RNF144A: variants seen among roughly 807,000 people sequenced by gnomAD.
The protein encoded by RNF144A is E3 ubiquitin-protein ligase RNF144A.
In RNF144A, 11 loss-of-function variants were observed where a neutral mutation model predicts 38.7. The ratio of observed to expected loss-of-function variants is 0.28; its 90% CI spans 0.18 to 0.47. RNF144A has a LOEUF of 0.47. Among genes scored for constraint, RNF144A ranks in the 20% least tolerant of loss-of-function variants. The pLI, the probability that RNF144A is intolerant of heterozygous loss-of-function variation, is 0.99. For missense variants in RNF144A, 316 were observed against 377.2 expected, an observed-to-expected ratio of 0.84 and a Z score of 1.34; for synonymous variants, 149 against 143.9, an observed-to-expected ratio of 1.04 and a Z score of -0.25.
intron 2 of RNF144A, among the ~76,000 whole-genome samples, chr2:6,981,031 T>G (rs988857386): frequency 6.6e-6 from 1 of 152,240 alleles, no homozygotes; most frequent in Non-Finnish European, 1.5e-5. Flanking sequence ...TAGCTACAGC[T>G]GTAGCAGCTG....
intron 2 of RNF144A, among the ~76,000 whole-genome samples, chr2:6,951,755 A>C (rs910985800): frequency 6.6e-6 from 1 of 152,168 alleles, no homozygotes; most frequent in African/African-American, 2.4e-5. Flanking sequence ...AAATGTAATT[A>C]CCTTTTTAAT....
chr2:6,919,309 A>G (rs1171262492), intron 1 of RNF144A, among the ~76,000 whole-genome samples: 4 of 152,234 alleles, frequency 2.6e-5, no homozygotes, highest in African/African-American at 7.2e-5. Context: ...CAGTGGCTCC[A>G]AAGGAGACAA....
At chr2:6,918,136 G>A (rs1664258630) in intron 1 of RNF144A, 1 of 152,266 alleles carries the variant, frequency 6.6e-6, no homozygotes, top group Non-Finnish European at 1.5e-5. Context: ...GCCACCGGCG[G>A]GGAAGGTCGG....
chr2:6,948,725 T>A (rs1216609393), intron 2 of RNF144A, among the ~76,000 whole-genome samples: 1 of 152,192 alleles, frequency 6.6e-6, no homozygotes, highest in Non-Finnish European at 1.5e-5. Context: ...GATTTAGGAT[T>A]GCAAGACCCT....
At chr2:6,975,768 G>A (rs1668272024) in intron 2 of RNF144A, among the ~76,000 whole-genome samples, 1 of 152,210 alleles carries the variant, frequency 6.6e-6, no homozygotes, top group Non-Finnish European at 1.5e-5. Context: ...CAGTGCTGCA[G>A]TGAGCCAAGA....
chr2:7,014,305 C>T (rs1417909417), intron 3 of RNF144A, 149 bp from the exon 4 acceptor site: 12 of 640,652 alleles, frequency 1.9e-5, no homozygotes, highest in South Asian at 1.1e-4. Flanking sequence ...AACCTCAAAA[C>T]CTCAAATGTG....
At chr2:7,026,704 C>T (rs570721866) in intron 7 of RNF144A, among the ~76,000 whole-genome samples, 42 of 152,266 alleles carry the variant, frequency 2.8e-4, no homozygotes, top group Admixed American at 1.2e-3. Flanking sequence ...CCCCAGGCTG[C>T]TTGGACCAAG....
rs375409271 is a variant in RNF144A at position 6,929,774 on chromosome 2, C to T, written c.-211-11174C>T. 7.2e-5 allele frequency among the ~76,000 whole-genome samples: 11 copies of T among 152,084 alleles called. No homozygotes were observed. The East Asian group carries it at 7.7e-4, about 11-fold the overall frequency. On this transcript the variant is annotated intron_variant, in intron 1 of 8. Transcript: ENST00000320892. Reference sequence around the variant, plus strand: ...GTTTATGTAGAAATCAATTTAGTTACGATATAACTACCATTATGTGATAAT... The same window carrying T: ...GTTTATGTAGAAATCAATTTAGTTATGATATAACTACCATTATGTGATAAT...
At chr2:6,946,918 A>G (rs1666377537) in intron 2 of RNF144A, among the ~76,000 whole-genome samples, 1 of 152,172 alleles carries the variant, frequency 6.6e-6, no homozygotes, top group Non-Finnish European at 1.5e-5. Flanking sequence ...CCAAAGGTTT[A>G]CTTTTGTGGG....
intron 1 of RNF144A, chr2:6,933,060 T>G (rs575684265): frequency 2.6e-5 from 4 of 152,264 alleles, no homozygotes; most frequent in South Asian, 2.1e-4. Context: ...CCTCCACTTA[T>G]AGCGGCTGCA....
chr2:6,927,093 G>T (rs1664928774), intron 1 of RNF144A, among the ~76,000 whole-genome samples: 1 of 152,180 alleles, frequency 6.6e-6, no homozygotes. Context: ...CCGTGAGATT[G>T]CCTGCTCTTC....
chr2:7,039,847 T>A lies in RNF144A; in HGVS notation c.*87T>A. 3 of 1,533,340 alleles carry A rather than the reference T, an allele frequency of 2.0e-6. No individual in the cohort carries two copies. The highest frequency in any genetic ancestry group is 2.6e-6 in the Non-Finnish European group (3 of 1,133,722). The allele number at this position is 1,533,340 out of a possible 1,614,324, so 95.0% of individuals were successfully genotyped here. A position where few individuals can be genotyped will look rare whatever the true frequency, so the allele number is the denominator to read the frequency against. Reference sequence around the variant, plus strand: ...CCCACCGTCCCCCCTTCACTAAACATCTTTCTTGCCTTATGTGCCCCATTG... The same window carrying A: ...CCCACCGTCCCCCCTTCACTAAACAACTTTCTTGCCTTATGTGCCCCATTG... On this transcript the variant is annotated 3_prime_UTR_variant, in exon 9 of 9. Transcript: ENST00000320892.
intron 5 of RNF144A, among the ~76,000 whole-genome samples, chr2:7,019,883 C>T (rs1050228770): frequency 3.3e-5 from 5 of 152,166 alleles, no homozygotes; most frequent in Admixed American, 2.6e-4. Context: ...GGTTTCACTC[C>T]GTAGTTAACT....
downstream of RNF144A, among the ~76,000 whole-genome samples, chr2:7,047,212 G>C (rs563585305): frequency 6.6e-6 from 1 of 152,066 alleles, no homozygotes; most frequent in Non-Finnish European, 1.5e-5. Context: ...TGTTGCTGGG[G>C]GTGTGTGTGT....
At chr2:7,028,798 G>T (rs1490241422) in intron 7 of RNF144A, among the ~76,000 whole-genome samples, 3 of 152,200 alleles carry the variant, frequency 2.0e-5, no homozygotes, top group African/African-American at 7.2e-5. Flanking sequence ...CTTTGTGTTT[G>T]CCTGCTCCTC....
At chr2:7,064,389 A>G (rs911248544) in intron 6 of RNF144A, among the ~76,000 whole-genome samples, 1 of 152,218 alleles carries the variant, frequency 6.6e-6, no homozygotes, top group African/African-American at 2.4e-5. Context: ...GAGATTTAAG[A>G]GCATTTAAAT....
downstream of RNF144A, among the ~76,000 whole-genome samples, chr2:7,070,721 G>A (rs904147810): frequency 6.6e-5 from 10 of 152,094 alleles, no homozygotes; most frequent in African/African-American, 2.2e-4. Flanking sequence ...CTGAGAGCAC[G>A]CCATACGATG....
chr2:7,052,895 G>C (rs1673585827), intron 6 of RNF144A, among the ~76,000 whole-genome samples: 1 of 152,038 alleles, frequency 6.6e-6, no homozygotes, highest in African/African-American at 2.4e-5. Context: ...GCAAAGCTGG[G>C]AAGTTTCCTT....
rs1665962152 is a variant in RNF144A, at chr2:6,941,360, T to G, written c.-12+213T>G. On this transcript the variant is annotated intron_variant, in intron 2 of 8. Coordinates refer to ENST00000320892, the MANE Select transcript of RNF144A (RefSeq NM_014746.6). This position sits in a 1 kb window ranked among gnomAD's most constrained non-coding sequence, Gnocchi z 6.5. ...CATTATTTTATGCCATCATAGTTGT[T>G]TATACTTTGGAAAGATTTCCAGGTT... 6.6e-6 allele frequency among the ~76,000 whole-genome samples: 1 copy of G among 152,262 alleles called. No individual in the cohort carries two copies. The highest frequency in any genetic ancestry group is 2.1e-4 in the South Asian group (1 of 4,830).
Sources: allele counts gnomAD v4.1 joint callset (sites outside exome capture counted in the v4.1 genomes callset), GRCh38; gene constraint gnomAD v4.1.1; non-coding constraint Gnocchi (gnomAD v3.1); transcripts MANE v1.5; gene names NCBI Gene and HGNC (gene_info 2026-07-23, HGNC 2026-07-21).